Variants in FTO observed in about 807,000 individuals in gnomAD.
FTO encodes FTO alpha-ketoglutarate dependent dioxygenase.
Under a neutral mutation model 63.9 loss-of-function variants are expected in FTO, and 47 were observed. That is an observed-to-expected ratio of 0.74 (90% CI 0.58 to 0.94). The LOEUF is 0.94. FTO is among the 40% of genes least tolerant of loss of function. The pLI is 0.00. For synonymous variants in FTO, 207 were observed against 224.4 expected, an observed-to-expected ratio of 0.92 and a Z score of 0.69; for missense variants, 562 against 618.1, an observed-to-expected ratio of 0.91 and a Z score of 0.96.
At position 53,970,654 on chromosome 16, in the gene FTO, A is replaced by G. The variant is rs1008711484; in HGVS notation, c.1364+36545A>G. Among the ~76,000 whole-genome samples, 74 of 152,220 alleles carry G rather than the reference A, an allele frequency of 4.9e-4. 1 individual carries two copies. Among genetic ancestry groups the G allele is most frequent in the Non-Finnish European group, 2.2e-4 (15 of 68,018 alleles). ...AACAGGGATGGTGGTGGGTATGGCAAACAGGTGGGCACTTATGCTGTCTAC... is the reference window on the plus strand; with the variant it reads ...AACAGGGATGGTGGTGGGTATGGCAGACAGGTGGGCACTTATGCTGTCTAC... On this transcript the variant is annotated intron_variant, in intron 8 of 8. Transcript: ENST00000471389.
At chr16:53,757,680 TC>T (rs1385617570) in intron 1 of FTO, among the ~76,000 whole-genome samples, 1 of 152,190 alleles carries the variant, frequency 6.6e-6, no homozygotes, top group African/African-American at 2.4e-5. Flanking sequence ...TCTTTACACC[TC>T]TAAAGCGTTA....
intron 7 of FTO, among the ~76,000 whole-genome samples, chr16:53,911,029 C>G (rs1221447395): frequency 1.3e-5 from 2 of 152,240 alleles, no homozygotes; most frequent in Non-Finnish European, 2.9e-5. Context: ...GTATACCGAA[C>G]ATCTCAGAAG....
intron 8 of FTO, among the ~76,000 whole-genome samples, chr16:54,024,713 T>C (rs980309778): frequency 1.3e-5 from 2 of 152,272 alleles, no homozygotes; most frequent in Non-Finnish European, 2.9e-5. Flanking sequence ...GCTTAACTCA[T>C]AGGTTATTAT....
intron 1 of FTO, among the ~76,000 whole-genome samples, chr16:53,782,061 T>C (rs1274770782): frequency 6.6e-6 from 1 of 152,072 alleles, no homozygotes; most frequent in Non-Finnish European, 1.5e-5. Context: ...TATGGAACCC[T>C]CTCCCCAGAC....
At chr16:53,966,901 T>A (rs1483657569) in intron 8 of FTO, among the ~76,000 whole-genome samples, 2 of 152,186 alleles carry the variant, frequency 1.3e-5, no homozygotes, top group African/African-American at 4.8e-5. Context: ...TTTGCAATGG[T>A]AGAATGTTGC....
At position 53,871,759 on chromosome 16, in the gene FTO, T is replaced by C. The variant is rs142979003; in HGVS notation, c.896-2027T>C. Among the ~76,000 whole-genome samples, 451 of 151,982 alleles carry C rather than the reference T, an allele frequency of 3.0e-3. 4 individuals carry two copies. The South Asian group carries it at 0.035, about 12-fold the overall frequency. On this transcript the variant is annotated intron_variant, in intron 4 of 8. Coordinates refer to ENST00000471389, the MANE Select transcript of FTO (RefSeq NM_001080432.3). ...TTTAAATTTTGAGATGGAGTTTCAC[T>C]CTCGTTTCCCAGGCTGCAGTGCAAT...
At chr16:54,018,063 A>G (rs1404881785) in intron 8 of FTO, among the ~76,000 whole-genome samples, 1 of 151,888 alleles carries the variant, frequency 6.6e-6, no homozygotes, top group East Asian at 1.9e-4. Context: ...CATCATCATC[A>G]TCATCATTAT....
intron 1 of FTO, among the ~76,000 whole-genome samples, chr16:53,726,258 C>T (rs1598498410): frequency 2.0e-5 from 3 of 152,286 alleles, no homozygotes; most frequent in South Asian, 4.1e-4. Context: ...ATTCTATATA[C>T]ACACACTAAT....
intron 8 of FTO, among the ~76,000 whole-genome samples, chr16:54,079,706 G>T (rs1266678890): frequency 6.6e-6 from 1 of 152,170 alleles, no homozygotes; most frequent in African/African-American, 2.4e-5. Context: ...CACAGAGAGA[G>T]CCTGGACGAG....
intron 7 of FTO, among the ~76,000 whole-genome samples, chr16:53,895,397 A>C (rs756440730): frequency 5.9e-5 from 9 of 152,172 alleles, no homozygotes; most frequent in Non-Finnish European, 1.2e-4. Flanking sequence ...AGCACAAAGG[A>C]CTGTGTTTAT....
intron 1 of FTO, among the ~76,000 whole-genome samples, chr16:53,709,846 C>A (rs2075724218): frequency 6.6e-6 from 1 of 152,088 alleles, no homozygotes; most frequent in Non-Finnish European, 1.5e-5. Flanking sequence ...CTAAATAGTT[C>A]AGCATATATT....
chr16:54,057,937 A>T (rs1046962211), intron 8 of FTO, among the ~76,000 whole-genome samples: 1 of 152,042 alleles, frequency 6.6e-6, no homozygotes, highest in African/African-American at 2.4e-5. Context: ...GTAAGAACAC[A>T]TCTCCATGGG....
At chr16:53,709,364 A>G (rs1265070747) in intron 1 of FTO, among the ~76,000 whole-genome samples, 1 of 152,250 alleles carries the variant, frequency 6.6e-6, no homozygotes, top group Non-Finnish European at 1.5e-5. Flanking sequence ...AGAACAGTCC[A>G]GATAAGTATT....
chr16:54,076,643 G>A (rs1017658134), intron 8 of FTO, among the ~76,000 whole-genome samples: 22 of 152,114 alleles, frequency 1.4e-4, no homozygotes, highest in African/African-American at 5.3e-4. Context: ...AATTATGTGG[G>A]TGTAAGCAGC....
intron 8 of FTO, among the ~76,000 whole-genome samples, chr16:54,037,294 G>T (rs1052109460): frequency 1.3e-5 from 2 of 152,138 alleles, no homozygotes; most frequent in African/African-American, 4.8e-5. Flanking sequence ...GGAGAATGTG[G>T]CACACATCCA....
At position 54,111,888 on chromosome 16, in the gene FTO, A is replaced by C; in HGVS notation, c.1491A>C (p.Arg497Ser). 1 of 1,614,124 alleles carries C rather than the reference A, an allele frequency of 6.2e-7. No homozygotes were observed. The highest frequency in any genetic ancestry group is 8.5e-7 in the Non-Finnish European group (1 of 1,180,012). ...TCACAGACATCGTTTCAGAACTCAG[A>C]GGTCAGCTTCTGGAAGCAAAACCCT... ...FDLTDIVSEL[R>S]GQLLEAKP The change falls in exon 9 of 9, where the codon AGA becomes AGC. Residue 497 changes from arginine to serine, a missense_variant. Transcript: ENST00000471389.
chr16:53,978,823 C>T (rs1037509379), intron 8 of FTO, among the ~76,000 whole-genome samples: 4 of 152,006 alleles, frequency 2.6e-5, no homozygotes, highest in Non-Finnish European at 4.4e-5. Context: ...ATGGTGAAAC[C>T]CCTTCTCTAC....
intron 7 of FTO, among the ~76,000 whole-genome samples, chr16:53,890,432 T>G (rs948256715): frequency 2.0e-5 from 3 of 152,134 alleles, no homozygotes; most frequent in Non-Finnish European, 4.4e-5. Context: ...ATTATTGTGA[T>G]AAGAACACTT....
At chr16:53,832,088 T>C (rs1236346879) in intron 3 of FTO, among the ~76,000 whole-genome samples, 1 of 151,938 alleles carries the variant, frequency 6.6e-6, no homozygotes, top group African/African-American at 2.4e-5. Flanking sequence ...AGGGGAGAAA[T>C]GTGTAAATAC....
Sources: gnomAD v4.1 joint callset for allele counts (sites outside exome capture counted in the v4.1 genomes callset) on GRCh38, gnomAD v4.1.1 for gene constraint, MANE v1.5 for transcripts, NCBI Gene and HGNC (gene_info 2026-07-23, HGNC 2026-07-21) for gene names.